The following LPAR2 variants were observed in gnomAD, a reference collection of about 807,000 sequenced individuals.
LPAR2 encodes lysophosphatidic acid receptor 2.
A neutral mutation model predicts 15.6 loss-of-function variants in LPAR2; 10 were observed. That is an observed-to-expected ratio of 0.64 (90% confidence interval 0.39 to 1.09). The LOEUF (loss-of-function observed/expected upper bound fraction) is 1.09, where lower values mean the gene tolerates loss of function less well. LPAR2 is among the 50% of genes least tolerant of loss of function. LPAR2 has a pLI of 0.01. For synonymous variants in LPAR2, 204 were observed against 207.4 expected (o/e 0.98, Z 0.14); for missense variants, 413 against 484.6 (o/e 0.85, Z 1.39).
intron 2 of LPAR2, among the ~76,000 whole-genome samples, chr19:19,624,830 T>TGA (rs919673832): frequency 6.8e-6 from 1 of 147,760 alleles, no homozygotes; most frequent in African/African-American, 2.6e-5. Flanking sequence ...TGTGTGTGTG[T>TGA]GTGAGATGGA....
Position 19,627,299 on chromosome 19 carries a change from G to T in LPAR2, c.1-15C>A, listed in dbSNP as rs377593340. The T allele has an allele frequency of 2.0e-5, 32 of 1,592,876 alleles. No individual in the cohort carries two copies. The highest frequency in any genetic ancestry group is 2.7e-5 in the Non-Finnish European group (32 of 1,175,188). ...ATGATGACCATCTGGGGACACAAGA[G>T]ATCAGTGCATGTGGCACTTCTTGGA... On this transcript the variant is annotated splice_polypyrimidine_tract_variant and intron_variant, in intron 1 of 2. Transcript: ENST00000407877. This position sits in a 1 kb window ranked among gnomAD's most constrained non-coding sequence, Gnocchi z 4.7.
Position 19,624,017 on chromosome 19 carries a change from G to A in LPAR2, c.*239C>T, listed in dbSNP as rs1190501273. ...TTACAAACCCCCTAAACCTGAGATGGCTGAAGAGCCAGATTCCTGCACCCC... is the reference window on the plus strand; with the variant it reads ...TTACAAACCCCCTAAACCTGAGATGACTGAAGAGCCAGATTCCTGCACCCC... On this transcript the variant is annotated 3_prime_UTR_variant, in exon 3 of 3. Transcript: ENST00000407877. 1 of 556,918 alleles carries A rather than the reference G, an allele frequency of 1.8e-6. No homozygotes were observed. Among genetic ancestry groups the A allele is most frequent in the South Asian group, 2.6e-5 (1 of 38,870 alleles). The allele number at this position is 556,918 out of a possible 1,614,324, so 34.5% of individuals were successfully genotyped here. A position where few individuals can be genotyped will look rare whatever the true frequency, so the allele number is the denominator to read the frequency against.
At position 19,624,011 on chromosome 19, in the gene LPAR2, G is replaced by A. The variant is rs1371110351; in HGVS notation, c.*245C>T. ...TGTCTGTTACAAACCCCCTAAACCT[G>A]AGATGGCTGAAGAGCCAGATTCCTG... On this transcript the variant is annotated 3_prime_UTR_variant, in exon 3 of 3. Transcript: ENST00000407877. The A allele has an allele frequency of 1.8e-5, 10 of 554,164 alleles. No homozygotes were observed. The highest frequency in any genetic ancestry group is 1.0e-4 in the South Asian group (4 of 38,754). 34.3% of individuals were successfully genotyped at this position (554,164 alleles called of 1,614,324 possible). A position where few individuals can be genotyped will look rare whatever the true frequency, so the allele number is the denominator to read the frequency against.
Position 19,627,409 on chromosome 19 carries a change from T to C in LPAR2, c.1-125A>G. The C allele has an allele frequency of 3.0e-6, 3 of 986,686 alleles. No homozygotes were observed. Among genetic ancestry groups the C allele is most frequent in the Non-Finnish European group, 4.5e-6 (3 of 663,632 alleles). 61.1% of individuals were successfully genotyped at this position (986,686 alleles called of 1,614,324 possible). The stretch of plus-strand genomic sequence containing the variant: ...CAAATTCAGATACCTCGAAGCAAAG[T>C]GGCAGTGGTGAGGACTACGGTGGCC... On this transcript the variant is annotated intron_variant, in intron 1 of 2. Transcript: ENST00000407877. This position sits in a 1 kb window ranked among gnomAD's most constrained non-coding sequence, Gnocchi z 4.7.
At position 19,624,121 on chromosome 19, in the gene LPAR2, C is replaced by G; in HGVS notation, c.*135G>C. ...GAGTGGTGTGCCTGGGGAGGCCTGG[C>G]AGTGGTGCTGTGCCATGCCAGACCT... On this transcript the variant is annotated 3_prime_UTR_variant, in exon 3 of 3. Coordinates refer to ENST00000407877, the MANE Select transcript of LPAR2 (RefSeq NM_004720.7). 2.3e-6 allele frequency: 2 copies of G among 880,194 alleles called. No homozygotes were observed. Among genetic ancestry groups the G allele is most frequent in the Admixed American group, 4.5e-5 (2 of 44,792 alleles). 54.5% of individuals were successfully genotyped at this position (880,194 alleles called of 1,614,324 possible).
In LPAR2 at chr19:19,626,880, G is replaced by A. The variant is rs771316310; in HGVS notation, c.405C>T (p.Ala135=). The stretch of plus-strand genomic sequence containing the variant: ...GGGGCAGGCGGCTGTGCAGCTGCAC[G>A]GCCATCACACTGCGGTGCCGCTCCA... The change falls in exon 2 of 3, where the codon GCC becomes GCT. Residue 135 remains alanine, a synonymous_variant. Transcript: ENST00000407877. The surrounding 1 kb of genome is among the most constrained non-coding windows in gnomAD (Gnocchi z 5.3). 1.0e-5 allele frequency: 16 copies of A among 1,596,348 alleles called. No homozygotes were observed. The highest frequency in any genetic ancestry group is 4.0e-5 in the African/African-American group (3 of 74,522).
At chr19:19,625,531 T>C (rs1040790116) in intron 2 of LPAR2, among the ~76,000 whole-genome samples, 1 of 151,954 alleles carries the variant, frequency 6.6e-6, no homozygotes, top group Non-Finnish European at 1.5e-5. Flanking sequence ...ATGCTTGTAA[T>C]CCCAGCACTT....
Position 19,627,092 on chromosome 19 carries a change from G to A in LPAR2, c.193C>T (p.Gln65Ter). 6.2e-7 allele frequency: 1 copy of A among 1,613,354 alleles called. No individual in the cohort carries two copies. The change falls in exon 2 of 3, where the codon CAG (glutamine) becomes TAG (stop). Residue 65 changes from glutamine to a stop codon, truncating the protein, a stop_gained. Transcript: ENST00000407877. LOFTEE classifies it high-confidence loss of function. The surrounding 1 kb of genome is among the most constrained non-coding windows in gnomAD (Gnocchi z 4.7). ...TTGCCGAGCAGGTAGTAGATGGGCT[G>A]GTGGAAGCGGCGGTTGGAGGCGATG...
Position 19,626,990 on chromosome 19 carries a change from G to C in LPAR2, c.295C>G (p.Leu99Val), listed in dbSNP as rs373945604. Reference sequence around the variant, plus strand: ...CGCAGGAACCAGCCCTCAAGTGAAAGTCGGGCTGTGCGGGGACCAGTGTGG... The same window carrying C: ...CGCAGGAACCAGCCCTCAAGTGAAACTCGGGCTGTGCGGGGACCAGTGTGG... Residue 99 changes from leucine to valine, a missense_variant, in exon 2 of 3, where the codon CTT (leucine) becomes GTT (valine). Transcript: ENST00000407877. This position sits in a 1 kb window ranked among gnomAD's most constrained non-coding sequence, Gnocchi z 5.3. 1 of 1,613,554 alleles carries C rather than the reference G, an allele frequency of 6.2e-7. No individual in the cohort carries two copies. The highest frequency in any genetic ancestry group is 8.5e-7 in the Non-Finnish European group (1 of 1,179,908).
Position 19,624,176 on chromosome 19 carries a change from T to C in LPAR2, c.*80A>G. On this transcript the variant is annotated 3_prime_UTR_variant, in exon 3 of 3. Transcript: ENST00000407877. ...CTGCCAGTCAGTCAGTCCTGTTGGT[T>C]GGGTTGAGCCAGGAGCACCCACAAG... 3 of 1,414,264 alleles carry C rather than the reference T, an allele frequency of 2.1e-6. No individual in the cohort carries two copies. The highest frequency in any genetic ancestry group is 2.9e-6 in the Non-Finnish European group (3 of 1,029,426). The allele number at this position is 1,414,264 out of a possible 1,614,324, so 87.6% of individuals were successfully genotyped here.
Position 19,627,691 on chromosome 19 carries a change from GC to G in LPAR2, c.-1+400del, listed in dbSNP as rs2061749882. The G allele has an allele frequency of 4.1e-6, 1 of 241,584 alleles. No individual in the cohort carries two copies. The highest frequency in any genetic ancestry group is 5.0e-5 in the South Asian group (1 of 20,162). The allele number at this position is 241,584 out of a possible 1,614,324, so 15.0% of individuals were successfully genotyped here. ...AGAGATGAGGGAGGATCACTTTGGT[GC>G]CGGAGTCAGTGTAGGGAGCAGAGAC... On this transcript the variant is annotated intron_variant, in intron 1 of 2. Transcript: ENST00000407877. The surrounding 1 kb of genome is among the most constrained non-coding windows in gnomAD (Gnocchi z 4.7).
rs2061739624 is a variant in LPAR2 at position 19,626,344 on chromosome 19, G to C, written c.742+199C>G. On this transcript the variant is annotated intron_variant, in intron 2 of 2. Coordinates refer to ENST00000407877, the MANE Select transcript of LPAR2 (RefSeq NM_004720.7). The surrounding 1 kb of genome is among the most constrained non-coding windows in gnomAD (Gnocchi z 5.3). Reference sequence around the variant, plus strand: ...GAGGTTTTTACTTTCCGTTTCCTCTGCCTGGAAGGCTCTCTGTTCCTATCC... The same window carrying C: ...GAGGTTTTTACTTTCCGTTTCCTCTCCCTGGAAGGCTCTCTGTTCCTATCC... Among the ~76,000 whole-genome samples, 1 of 152,144 alleles carries C rather than the reference G, an allele frequency of 6.6e-6. No individual in the cohort carries two copies. The highest frequency in any genetic ancestry group is 1.5e-5 in the Non-Finnish European group (1 of 68,038).
rs1599395412 is a variant in LPAR2 at position 19,628,188 on chromosome 19, C to G, written c.-97G>C. The G allele has an allele frequency of 6.6e-6, 1 of 152,048 alleles. No individual in the cohort carries two copies. Among genetic ancestry groups the G allele is most frequent in the East Asian group, 1.9e-4 (1 of 5,170 alleles). 9.4% of individuals were successfully genotyped at this position (152,048 alleles called of 1,614,324 possible). A position where few individuals can be genotyped will look rare whatever the true frequency, so the allele number is the denominator to read the frequency against. On this transcript the variant is annotated 5_prime_UTR_variant, in exon 1 of 3. Transcript: ENST00000407877. ...GGCGACTGCGGCGGGAGCGGTAGAG[C>G]GTCCGGGTGCGCCCTGTGCGGGTTG...
Position 19,624,055 on chromosome 19 carries a change from C to G in LPAR2, c.*201G>C. 4.9e-6 allele frequency: 3 copies of G among 613,688 alleles called. No individual in the cohort carries two copies. Among genetic ancestry groups the G allele is most frequent in the Middle Eastern group, 4.5e-4 (1 of 2,240 alleles). The allele number at this position is 613,688 out of a possible 1,614,324, so 38.0% of individuals were successfully genotyped here. A position where few individuals can be genotyped will look rare whatever the true frequency, so the allele number is the denominator to read the frequency against. ...ATTCCTGCACCCCATCTGACTCCCC[C>G]AGGCAGTGGGAGATGACCCAAAGCC... On this transcript the variant is annotated 3_prime_UTR_variant, in exon 3 of 3. Coordinates refer to ENST00000407877, the MANE Select transcript of LPAR2 (RefSeq NM_004720.7).
chr19:19,624,454 G>C lies in LPAR2; in HGVS notation c.858C>G (p.Ala286=), dbSNP rs2061730242. Residue 286 remains alanine (A), a synonymous_variant, in exon 3 of 3, where the codon GCC becomes GCG. Transcript: ENST00000407877. ...ACACAGCAGCATTGACCAGGGAGTTGGCCTCGGCCAACAGTAGGAAGTACT... is the reference window on the plus strand; with the variant it reads ...ACACAGCAGCATTGACCAGGGAGTTCGCCTCGGCCAACAGTAGGAAGTACT... 1.9e-6 allele frequency: 3 copies of C among 1,614,006 alleles called. No individual in the cohort carries two copies. In the East Asian group the frequency reaches 6.7e-5, roughly 36 times the overall value.
In LPAR2 at chr19:19,627,845, C is replaced by G. The variant is rs1380960908; in HGVS notation, c.-1+247G>C. On this transcript the variant is annotated intron_variant, in intron 1 of 2. Coordinates refer to ENST00000407877, the MANE Select transcript of LPAR2 (RefSeq NM_004720.7). The surrounding 1 kb of genome is among the most constrained non-coding windows in gnomAD (Gnocchi z 4.7). ...GAAGTTAGTCGGCGGGATTTGGGCG[C>G]GAGTGCTTCCCAAGCGGGCGGGGCA... 1 of 156,534 alleles carries G rather than the reference C, an allele frequency of 6.4e-6. No individual in the cohort carries two copies. The highest frequency in any genetic ancestry group is 2.4e-5 in the African/African-American group (1 of 41,422). The allele number at this position is 156,534 out of a possible 1,614,324, so 9.7% of individuals were successfully genotyped here. A position where few individuals can be genotyped will look rare whatever the true frequency, so the allele number is the denominator to read the frequency against.
intron 2 of LPAR2, among the ~76,000 whole-genome samples, chr19:19,625,375 G>A (rs2061734700): frequency 6.6e-6 from 1 of 152,170 alleles, no homozygotes; most frequent in Non-Finnish European, 1.5e-5. Context: ...AACTGAGGCG[G>A]GAGGATCACC....
Position 19,627,541 on chromosome 19 carries a change from G to T in LPAR2, c.1-257C>A. 1 of 482,064 alleles carries T rather than the reference G, an allele frequency of 2.1e-6. No individual in the cohort carries two copies. Among genetic ancestry groups the T allele is most frequent in the Non-Finnish European group, 3.7e-6 (1 of 267,278 alleles). 29.9% of individuals were successfully genotyped at this position (482,064 alleles called of 1,614,324 possible). The stretch of plus-strand genomic sequence containing the variant: ...ACATCACCCAAGTCAATAGGTTTTT[G>T]AACCAGAAGTGAAACAAAACCCATC... On this transcript the variant is annotated intron_variant, in intron 1 of 2. Coordinates refer to ENST00000407877, the MANE Select transcript of LPAR2 (RefSeq NM_004720.7). This position sits in a 1 kb window ranked among gnomAD's most constrained non-coding sequence, Gnocchi z 4.7.
Position 19,628,192 on chromosome 19 carries a change from C to A in LPAR2, c.-101G>T, listed in dbSNP as rs994457871. The A allele has an allele frequency of 1.3e-5, 2 of 152,026 alleles. No homozygotes were observed. Among genetic ancestry groups the A allele is most frequent in the Non-Finnish European group, 2.9e-5 (2 of 67,978 alleles). The allele number at this position is 152,026 out of a possible 1,614,324, so 9.4% of individuals were successfully genotyped here. A position where few individuals can be genotyped will look rare whatever the true frequency, so the allele number is the denominator to read the frequency against. On this transcript the variant is annotated 5_prime_UTR_variant, in exon 1 of 3. Coordinates refer to ENST00000407877, the MANE Select transcript of LPAR2 (RefSeq NM_004720.7). ...ACTGCGGCGGGAGCGGTAGAGCGTC[C>A]GGGTGCGCCCTGTGCGGGTTGCTGA...
Sources: gnomAD v4.1 joint callset for allele counts (sites outside exome capture counted in the v4.1 genomes callset) on GRCh38, gnomAD v4.1.1 for gene constraint, Gnocchi (gnomAD v3.1) non-coding constraint, MANE v1.5 for transcripts, NCBI Gene and HGNC (gene_info 2026-07-23, HGNC 2026-07-21) for gene names.